The following C6orf89 variants were observed in gnomAD, a reference collection of about 807,000 sequenced individuals.
The protein encoded by C6orf89 is chromosome 6 open reading frame 89.
Under a neutral mutation model 40.7 loss-of-function variants are expected in C6orf89, and 29 were observed. The ratio of observed to expected loss-of-function variants is 0.71; its 90% CI spans 0.53 to 0.97. The LOEUF (loss-of-function observed/expected upper bound fraction) is 0.97. C6orf89 is among the 50% of genes least tolerant of loss of function. The pLI is 0.00. For missense variants in C6orf89, 392 were observed against 429.1 expected (o/e 0.91, Z 0.76); for synonymous variants, 165 against 152.2 (o/e 1.08, Z -0.62).
In C6orf89 at chr6:36,923,411, C is replaced by T. The variant is rs1183196129; in HGVS notation, c.1014C>T (p.Ile338=). 3.1e-6 allele frequency: 5 copies of T among 1,614,040 alleles called. No homozygotes were observed. The highest frequency in any genetic ancestry group is 4.2e-6 in the Non-Finnish European group (5 of 1,179,960). The change falls in exon 9 of 9, where the codon ATC becomes ATT. Residue 338 remains isoleucine, a synonymous_variant. Coordinates refer to ENST00000480824, the MANE Select transcript of C6orf89 (RefSeq NM_001286635.2). ...VIARGVQPLV[I]CDGTAFSEL is the part of the protein sequence containing the mutation. ...CCAGAGGGGTCCAGCCTTTGGTCAT[C>T]TGCGATGGAACCGCTTTCTCAGAAC...
chr6:36,922,611 C>T (rs577463741), intron 8 of C6orf89, among the ~76,000 whole-genome samples: 26 of 152,252 alleles, frequency 1.7e-4, no homozygotes, highest in Non-Finnish European at 3.4e-4. Flanking sequence ...ATGCATAGTA[C>T]ATTATTAGTG....
At position 36,919,658 on chromosome 6, in the gene C6orf89, A is replaced by G. The variant is rs1762445880; in HGVS notation, c.906A>G (p.Arg302=). Residue 302 remains arginine, a synonymous_variant, in exon 8 of 9, where the codon AGA becomes AGG. Transcript: ENST00000480824. Reference sequence around the variant, plus strand: ...TCATCCCTCCCTTCCAGTGCCGAAGACATTGTCAGTCTGTGGCCATGCCAA... The same window carrying G: ...TCATCCCTCCCTTCCAGTGCCGAAGGCATTGTCAGTCTGTGGCCATGCCAA... ...LQLIPPFQCR[R]HCQSVAMPIE... 6 of 1,614,134 alleles carry G rather than the reference A, an allele frequency of 3.7e-6. No individual in the cohort carries two copies. The highest frequency in any genetic ancestry group is 5.1e-6 in the Non-Finnish European group (6 of 1,179,964).
Position 36,894,540 on chromosome 6 carries a change from G to A in C6orf89, c.-83G>A, listed in dbSNP as rs116077049. On this transcript the variant is annotated 5_prime_UTR_variant, in exon 2 of 9. Transcript: ENST00000480824. ...GTCAATCATTTTCCAGTTCTCAGCC[G>A]CTCAGTTGTGATCAAGGGACACGTG... The A allele has an allele frequency of 1.0e-3, 1,009 of 985,252 alleles. 1 individual carries two copies. The highest frequency in any genetic ancestry group is 1.2e-3 in the Non-Finnish European group (971 of 829,862). 61.0% of individuals were successfully genotyped at this position (985,252 alleles called of 1,614,324 possible). A position where few individuals can be genotyped will look rare whatever the true frequency, so the allele number is the denominator to read the frequency against.
chr6:36,922,135 G>A (rs1338394034), intron 8 of C6orf89, among the ~76,000 whole-genome samples: 6 of 151,954 alleles, frequency 3.9e-5, no homozygotes, highest in African/African-American at 1.2e-4. Flanking sequence ...TCAGGAGTTC[G>A]AGACCAGCCT....
intron 1 of C6orf89, among the ~76,000 whole-genome samples, chr6:36,894,005 C>T (rs145496462): frequency 0.014 from 1,912 of 133,276 alleles, 43 homozygotes; most frequent in African/African-American, 0.047. Context: ...GCCTGGGCAA[C>T]ACAGCGAGAC....
intron 4 of C6orf89, among the ~76,000 whole-genome samples, chr6:36,906,913 A>C (rs912110543): frequency 3.3e-5 from 5 of 152,192 alleles, no homozygotes; most frequent in African/African-American, 4.8e-5. Flanking sequence ...GAAATGATGA[A>C]GTTATATTTA....
chr6:36,877,465 GGACTACA>G (rs1774690431), intron 1 of C6orf89, among the ~76,000 whole-genome samples: 1 of 152,184 alleles, frequency 6.6e-6, no homozygotes. Context: ...CGAGTAGCTG[GGACTACA>G]GGCGCATGCC....
intron 8 of C6orf89, among the ~76,000 whole-genome samples, chr6:36,921,771 T>C (rs1762517827): frequency 6.6e-6 from 1 of 152,168 alleles, no homozygotes; most frequent in Admixed American, 6.5e-5. Context: ...CTCACACCTA[T>C]AATCCCAGCA....
chr6:36,902,491 GAAAGGAAGTAAC>G (rs1761762377), intron 4 of C6orf89, 57 bp downstream of exon 4: 2 of 1,507,478 alleles, frequency 1.3e-6, no homozygotes, highest in Non-Finnish European at 1.8e-6. Flanking sequence ...TATATGATAG[GAAAGGAAGTAAC>G]ATTTATTGAT....
At chr6:36,901,241 C>A (rs577542947) in intron 3 of C6orf89, among the ~76,000 whole-genome samples, 40 of 151,154 alleles carry the variant, frequency 2.6e-4, no homozygotes, top group Admixed American at 7.9e-4. Flanking sequence ...CTTGGCCTCC[C>A]AAAGTGCTGG....
intron 1 of C6orf89, among the ~76,000 whole-genome samples, chr6:36,890,444 C>T (rs1254204167): frequency 6.6e-6 from 1 of 152,162 alleles, no homozygotes; most frequent in Admixed American, 6.5e-5. Flanking sequence ...TAATGTCCTC[C>T]AGGTCCATCC....
upstream of C6orf89, among the ~76,000 whole-genome samples, chr6:36,884,287 T>C (rs1045806581): frequency 6.6e-6 from 1 of 151,938 alleles, no homozygotes; most frequent in Non-Finnish European, 1.5e-5. This position sits in a 1 kb window ranked among gnomAD's most constrained non-coding sequence, Gnocchi z 4.0. Context: ...AAAATAAATA[T>C]CCAGTTGTAG....
At chr6:36,897,361 C>A (rs1761476318) in intron 2 of C6orf89, among the ~76,000 whole-genome samples, 1 of 152,078 alleles carries the variant, frequency 6.6e-6, no homozygotes, top group Non-Finnish European at 1.5e-5. Context: ...AAAAATCATC[C>A]CTCTGTATAT....
At chr6:36,910,132 C>G (rs1762073707) in intron 4 of C6orf89, among the ~76,000 whole-genome samples, 1 of 145,372 alleles carries the variant, frequency 6.9e-6, no homozygotes, top group African/African-American at 2.5e-5. Context: ...GTTCCTCTAG[C>G]TTTTTTTTTT....
chr6:36,899,602 CG>C lies in C6orf89; in HGVS notation c.159del (p.Gln54SerfsTer6). 1 of 1,614,162 alleles carries C rather than the reference CG, an allele frequency of 6.2e-7. No homozygotes were observed. Among genetic ancestry groups the C allele is most frequent in the East Asian group, 2.2e-5 (1 of 44,886 alleles). ...AAGAATGAACCTCAGAGACCCCCCC[CG>C]CAGTATCCTCTCCTTATAGTTGTGT... ...LEKNEPQRPP[P>X]QYPLLIVVYK... is the part of the protein sequence containing the mutation. On this transcript the variant is annotated frameshift_variant, in exon 3 of 9. Coordinates refer to ENST00000480824, the MANE Select transcript of C6orf89 (RefSeq NM_001286635.2). LOFTEE classifies it high-confidence loss of function.
chr6:36,921,525 T>TACAGGATAGTCATTGCA (rs754094299), intron 8 of C6orf89, among the ~76,000 whole-genome samples: 1 of 152,156 alleles, frequency 6.6e-6, no homozygotes, highest in Non-Finnish European at 1.5e-5. Context: ...GCAGTCACTG[T>TACAGGATAGTCATTGCA]ACAGGATAGT....
intron 8 of C6orf89, among the ~76,000 whole-genome samples, chr6:36,922,304 C>T (rs936642860): frequency 1.7e-4 from 25 of 151,392 alleles, no homozygotes; most frequent in Non-Finnish European, 5.9e-5. Flanking sequence ...TGCGCCATTG[C>T]ACTCCAGCTT....
In C6orf89 at chr6:36,925,927, A is replaced by G. The variant is rs2150722656; in HGVS notation, c.*2486A>G. The G allele has an allele frequency of 6.6e-6, 1 of 152,380 alleles. No individual in the cohort carries two copies. The highest frequency in any genetic ancestry group is 1.5e-5 in the Non-Finnish European group (1 of 68,060). The allele number at this position is 152,380 out of a possible 1,614,324, so 9.4% of individuals were successfully genotyped here. On this transcript the variant is annotated 3_prime_UTR_variant, in exon 9 of 9. Transcript: ENST00000480824. ...CCCCACCTCCACCACCACAATAAGA[A>G]CAAAACTGTAGGGCTCTAAAGAGAG... is the stretch of plus-strand genomic sequence containing the variant.
At chr6:36,920,300 T>C (rs981037818) in intron 8 of C6orf89, among the ~76,000 whole-genome samples, 13 of 152,176 alleles carry the variant, frequency 8.5e-5, no homozygotes, top group Non-Finnish European at 1.8e-4. Context: ...GTCCTGTGCC[T>C]TATATCCTAA....
Sources: gnomAD v4.1 joint callset for allele counts (sites outside exome capture counted in the v4.1 genomes callset) on GRCh38, gnomAD v4.1.1 for gene constraint, Gnocchi (gnomAD v3.1) non-coding constraint, MANE v1.5 for transcripts, NCBI Gene and HGNC (gene_info 2026-07-23, HGNC 2026-07-21) for gene names.